MALRD1: variants seen among roughly 807,000 people sequenced by gnomAD.
MALRD1 encodes the protein MAM and LDL-receptor class A domain-containing protein 1.
A neutral mutation model predicts 242.1 loss-of-function variants in MALRD1; 247 were observed. The observed-to-expected ratio is 1.02, with a 90% confidence interval of 0.92 to 1.13. MALRD1 has a LOEUF of 1.13. Ranked by LOEUF, MALRD1 falls within the 50% of genes most tolerant of loss-of-function variation. The pLI is 0.00. For synonymous variants in MALRD1, 995 were observed against 866.6 expected (o/e 1.15, Z -2.60); for missense variants, 2,989 against 2,533.1 (o/e 1.18, Z -3.86).
At chr10:19,587,031 A>G (rs1837458258) in intron 33 of MALRD1, among the ~76,000 whole-genome samples, 1 of 152,098 alleles carries the variant, frequency 6.6e-6, no homozygotes. Flanking sequence ...AGGAAAGGGA[A>G]CTCCCTGACC....
intron 28 of MALRD1, among the ~76,000 whole-genome samples, chr10:19,406,227 G>A (rs10763994): frequency 0.6 from 91,392 of 152,080 alleles, 28,262 homozygotes; most frequent in Non-Finnish European, 0.68. Context: ...AATCCTTCAT[G>A]AAATGTAAGC....
intron 32 of MALRD1, among the ~76,000 whole-genome samples, chr10:19,565,943 A>G (rs1420663784): frequency 6.6e-6 from 1 of 152,032 alleles, no homozygotes; most frequent in African/African-American, 2.4e-5. Context: ...TTTAATTTCC[A>G]TTAACATCTC....
intron 32 of MALRD1, among the ~76,000 whole-genome samples, chr10:19,566,802 A>G (rs770976379): frequency 9.2e-5 from 14 of 151,998 alleles, no homozygotes; most frequent in Non-Finnish European, 1.9e-4. Flanking sequence ...ATAGAAATAT[A>G]ACTCTTTAAT....
At chr10:19,557,711 TG>T (rs144914450) in intron 32 of MALRD1, among the ~76,000 whole-genome samples, 6,742 of 152,200 alleles carry the variant, frequency 0.044, 481 homozygotes, top group African/African-American at 0.15. Context: ...TAGTGTCAGT[TG>T]TCTGGCTTTG....
At chr10:19,651,230 C>G (rs1217543760) in intron 36 of MALRD1, among the ~76,000 whole-genome samples, 1 of 152,140 alleles carries the variant, frequency 6.6e-6, no homozygotes, top group African/African-American at 2.4e-5. Flanking sequence ...TTCTAGTTAA[C>G]TGAAGATTAG....
chr10:19,440,250 T>C (rs777867937), intron 28 of MALRD1, among the ~76,000 whole-genome samples: 8 of 152,232 alleles, frequency 5.3e-5, no homozygotes, highest in Non-Finnish European at 8.8e-5. Flanking sequence ...ATTTGTATTA[T>C]GGTAAAGCTT....
intron 13 of MALRD1, among the ~76,000 whole-genome samples, chr10:19,170,526 A>G (rs916855541): frequency 6.6e-6 from 1 of 152,174 alleles, no homozygotes; most frequent in Non-Finnish European, 1.5e-5. Context: ...ATTTCCTGAC[A>G]TTATTTGACG....
intron 31 of MALRD1, among the ~76,000 whole-genome samples, chr10:19,500,902 C>G (rs1837937676): frequency 6.6e-6 from 1 of 151,932 alleles, no homozygotes. Context: ...GGCATAAATC[C>G]CTGTCACGGT....
At chr10:19,087,190 T>C (rs543352718) in intron 2 of MALRD1, among the ~76,000 whole-genome samples, 134 of 152,180 alleles carry the variant, frequency 8.8e-4, no homozygotes, top group Admixed American at 3.3e-3. Flanking sequence ...GTGCTCCTGC[T>C]CTGTCAAAAG....
intron 18 of MALRD1, among the ~76,000 whole-genome samples, chr10:19,234,513 C>T (rs1332145663): frequency 6.6e-6 from 1 of 151,870 alleles, no homozygotes; most frequent in South Asian, 2.1e-4. Context: ...TAAAAAGTAT[C>T]GATTTACCAA....
chr10:19,688,018 G>A lies in MALRD1; in HGVS notation c.6138-4264G>A, dbSNP rs145569554. ...GGAGTCTCACTGTGTTGCCCAGGCT[G>A]GAGCGCAGTGGAGTGATCTCGAGTC... On this transcript the variant is annotated intron_variant, in intron 36 of 39. Transcript: ENST00000454679. 1.2e-3 allele frequency among the ~76,000 whole-genome samples: 175 copies of A among 152,124 alleles called. 3 individuals carry two copies. The East Asian group carries it at 0.03, about 26-fold the overall frequency.
intron 14 of MALRD1, among the ~76,000 whole-genome samples, chr10:19,191,602 G>T (rs1181417380): frequency 6.6e-6 from 1 of 152,152 alleles, no homozygotes; most frequent in Non-Finnish European, 1.5e-5. Context: ...ATTATTCATT[G>T]ACTGATGAGT....
At chr10:19,160,941 G>GT (rs201092347) in intron 12 of MALRD1, among the ~76,000 whole-genome samples, 8,756 of 150,948 alleles carry the variant, frequency 0.058, 306 homozygotes, top group Middle Eastern at 0.11. Context: ...TTTTTGAAGG[G>GT]TTTTTTGTGT....
intron 28 of MALRD1, among the ~76,000 whole-genome samples, chr10:19,424,311 C>T (rs1299193602): frequency 6.6e-6 from 1 of 152,104 alleles, no homozygotes; most frequent in Non-Finnish European, 1.5e-5. Context: ...AGGCACCCAC[C>T]ACCACGCTTA....
At chr10:19,373,357 A>T (rs552088237) in intron 26 of MALRD1, among the ~76,000 whole-genome samples, 17 of 152,022 alleles carry the variant, frequency 1.1e-4, no homozygotes, top group Admixed American at 4.6e-4. Context: ...AGAAACAACA[A>T]CAAAAAAATG....
At chr10:19,229,631 C>T (rs2131690097) in intron 18 of MALRD1, among the ~76,000 whole-genome samples, 1 of 152,264 alleles carries the variant, frequency 6.6e-6, no homozygotes, top group East Asian at 1.9e-4. Context: ...TTCATTTCCC[C>T]TTCACCATTG....
chr10:19,636,701 C>T (rs1276000793), intron 36 of MALRD1, among the ~76,000 whole-genome samples: 1 of 152,072 alleles, frequency 6.6e-6, no homozygotes, highest in African/African-American at 2.4e-5. Context: ...GAGTTCAAGA[C>T]CAGCCAAAGC....
chr10:19,570,469 A>T (rs2131470823), intron 33 of MALRD1, among the ~76,000 whole-genome samples: 1 of 152,224 alleles, frequency 6.6e-6, no homozygotes, highest in Middle Eastern at 3.4e-3. Context: ...GAGAAAACAG[A>T]AAGCTTTAAA....
rs1440018427 is a variant in MALRD1, at chr10:19,136,879, A to G, written c.1411+98A>G. ...GTTTCTATCAAGGCAAAGGTAAGTCATATGTATGAAATGTGATAAATATGC... is the reference window on the plus strand; with the variant it reads ...GTTTCTATCAAGGCAAAGGTAAGTCGTATGTATGAAATGTGATAAATATGC... On this transcript the variant is annotated intron_variant, in intron 10 of 39. Coordinates refer to ENST00000454679, the MANE Select transcript of MALRD1 (RefSeq NM_001142308.3). 3 of 769,250 alleles carry G rather than the reference A, an allele frequency of 3.9e-6. No homozygotes were observed. The African/African-American group carries it at 5.4e-5, about 14-fold the overall frequency. The allele number at this position is 769,250 out of a possible 1,614,324, so 47.7% of individuals were successfully genotyped here. A position where few individuals can be genotyped will look rare whatever the true frequency, so the allele number is the denominator to read the frequency against.
Sources: allele counts gnomAD v4.1 joint callset (sites outside exome capture counted in the v4.1 genomes callset), GRCh38; gene constraint gnomAD v4.1.1; transcripts MANE v1.5; gene names NCBI Gene and HGNC (gene_info 2026-07-23, HGNC 2026-07-21).